The following SLC25A26 variants were observed in gnomAD, a reference collection of about 807,000 sequenced individuals.
SLC25A26 encodes solute carrier family 25 member 26, also known as mitochondrial S-adenosylmethionine carrier protein.
A neutral mutation model predicts 37.8 loss-of-function variants in SLC25A26; 36 were observed. The ratio of observed to expected loss-of-function variants is 0.95; its 90% CI spans 0.73 to 1.26. The LOEUF (loss-of-function observed/expected upper bound fraction) is 1.26, where lower values mean the gene tolerates loss of function less well. Ranked by LOEUF, SLC25A26 falls within the 50% of genes most tolerant of loss-of-function variation. SLC25A26 has a pLI of 0.00. For missense variants in SLC25A26, 390 were observed against 331.1 expected, an observed-to-expected ratio of 1.18 and a Z score of -1.38; for synonymous variants, 129 against 122.5, an observed-to-expected ratio of 1.05 and a Z score of -0.35.
intron 5 of SLC25A26, among the ~76,000 whole-genome samples, chr3:66,305,249 A>G (rs566550690): frequency 2.0e-5 from 3 of 152,302 alleles, no homozygotes; most frequent in Admixed American, 2.0e-4. Flanking sequence ...TACTAAGTAC[A>G]TTGCTATAAT....
intron 5 of SLC25A26, among the ~76,000 whole-genome samples, chr3:66,314,858 TTA>T (rs375605738): frequency 6.6e-6 from 1 of 152,074 alleles, no homozygotes; most frequent in African/African-American, 2.4e-5. Flanking sequence ...TTGGGAGGGT[TTA>T]TGTGTCCAGG....
intron 1 of SLC25A26, among the ~76,000 whole-genome samples, chr3:66,221,408 A>G (rs149388385): frequency 6.6e-6 from 1 of 152,104 alleles, no homozygotes; most frequent in Non-Finnish European, 1.5e-5. Context: ...TCTATTATAC[A>G]CTGTTAACTA....
chr3:66,359,918 T>G (rs1199942210), intron 6 of SLC25A26, among the ~76,000 whole-genome samples: 1 of 152,260 alleles, frequency 6.6e-6, no homozygotes, highest in Non-Finnish European at 1.5e-5. Context: ...ATTTGATAGC[T>G]GCACTCTCAG....
At chr3:66,195,772 A>G (rs1262577462) in intron 1 of SLC25A26, among the ~76,000 whole-genome samples, 1 of 152,386 alleles carries the variant, frequency 6.6e-6, no homozygotes, top group East Asian at 1.9e-4. Flanking sequence ...AAGAATATGC[A>G]AAAAGCATTG....
At chr3:66,161,721 T>C (rs2070362759) in intron 1 of SLC25A26, among the ~76,000 whole-genome samples, 1 of 152,214 alleles carries the variant, frequency 6.6e-6, no homozygotes, top group African/African-American at 2.4e-5. Flanking sequence ...CATTCATCTA[T>C]GGGCAACATA....
At chr3:66,359,620 G>T (rs996887971) in intron 6 of SLC25A26, among the ~76,000 whole-genome samples, 12 of 152,106 alleles carry the variant, frequency 7.9e-5, no homozygotes, top group African/African-American at 2.7e-4. Flanking sequence ...GTAAATGTTG[G>T]TGTTAAAACT....
At chr3:66,174,269 T>A (rs1353249269) in intron 1 of SLC25A26, among the ~76,000 whole-genome samples, 1 of 152,206 alleles carries the variant, frequency 6.6e-6, no homozygotes, top group African/African-American at 2.4e-5. Flanking sequence ...AGCAGTAGCT[T>A]GGGAAGTTGT....
At chr3:66,182,716 CGG>C (rs539207365) in intron 1 of SLC25A26, among the ~76,000 whole-genome samples, 41,589 of 88,860 alleles carry the variant, frequency 0.47, 7,771 homozygotes, top group South Asian at 0.53. Flanking sequence ...CAGTGGGCGG[CGG>C]GGGGGGGGGG....
intron 3 of SLC25A26, among the ~76,000 whole-genome samples, chr3:66,254,264 A>AT (rs772964347): frequency 3.9e-5 from 6 of 152,234 alleles, no homozygotes; most frequent in Non-Finnish European, 7.3e-5. Flanking sequence ...GAGGTTTTTG[A>AT]TTTTTTAAAT....
chr3:66,234,824 C>A (rs1007631284), intron 1 of SLC25A26, among the ~76,000 whole-genome samples: 2 of 151,720 alleles, frequency 1.3e-5, no homozygotes, highest in Non-Finnish European at 2.9e-5. Flanking sequence ...ATCTTTTTTT[C>A]CTTTGTCATG....
intron 5 of SLC25A26, among the ~76,000 whole-genome samples, chr3:66,291,991 G>A (rs1331678732): frequency 6.6e-6 from 1 of 152,046 alleles, no homozygotes; most frequent in Non-Finnish European, 1.5e-5. Flanking sequence ...TCCTGTATTG[G>A]GTGCATATGT....
At chr3:66,245,448 C>T (rs13089639) in intron 3 of SLC25A26, among the ~76,000 whole-genome samples, 41,365 of 151,898 alleles carry the variant, frequency 0.27, 5,941 homozygotes, top group Admixed American at 0.32. Flanking sequence ...TCTTATTAAA[C>T]CCCCATCCTT....
chr3:66,258,640 TA>T (rs1356524464), intron 3 of SLC25A26, among the ~76,000 whole-genome samples: 3 of 152,214 alleles, frequency 2.0e-5, no homozygotes, highest in Admixed American at 6.5e-5. Flanking sequence ...GGATGAATTT[TA>T]ATAACATATT....
chr3:66,225,389 C>G (rs1345350934), intron 1 of SLC25A26, among the ~76,000 whole-genome samples: 1 of 152,230 alleles, frequency 6.6e-6, no homozygotes, highest in African/African-American at 2.4e-5. Context: ...AGCCTGAGCT[C>G]TACCTTGGCC....
intron 5 of SLC25A26, among the ~76,000 whole-genome samples, chr3:66,311,532 TGCTGGTGAGGA>T (rs1370873172): frequency 1.3e-5 from 2 of 152,078 alleles, no homozygotes; most frequent in Admixed American, 6.6e-5. Flanking sequence ...TTTGTTCCCT[TGCTGGTGAGGA>T]GTTGTGATCG....
At chr3:66,180,411 A>C (rs1057498385) in intron 1 of SLC25A26, among the ~76,000 whole-genome samples, 1 of 152,188 alleles carries the variant, frequency 6.6e-6, no homozygotes, top group African/African-American at 2.4e-5. Flanking sequence ...AGAGCAACGG[A>C]AGTGATTTCA....
chr3:66,288,761 G>C (rs924318673), intron 5 of SLC25A26, among the ~76,000 whole-genome samples: 1 of 152,094 alleles, frequency 6.6e-6, no homozygotes, highest in Non-Finnish European at 1.5e-5. Flanking sequence ...AGTCTTTGCT[G>C]TTGTGAATAG....
At chr3:66,341,716 A>G (rs332363) in intron 5 of SLC25A26, among the ~76,000 whole-genome samples, 48,762 of 152,018 alleles carry the variant, frequency 0.32, 9,775 homozygotes, top group East Asian at 0.7. Flanking sequence ...ATATGTTTTT[A>G]TTAACCTAAG....
At chr3:66,153,156 A>G (rs1268929114) in intron 1 of SLC25A26, among the ~76,000 whole-genome samples, 1 of 152,178 alleles carries the variant, frequency 6.6e-6, no homozygotes, top group Non-Finnish European at 1.5e-5. Context: ...ACGACCAAAA[A>G]TTACTACTGA....
Sources: allele counts gnomAD v4.1 joint callset (sites outside exome capture counted in the v4.1 genomes callset), GRCh38; gene constraint gnomAD v4.1.1; transcripts MANE v1.5; gene names NCBI Gene and HGNC (gene_info 2026-07-23, HGNC 2026-07-21).